SPOPL: variants seen among roughly 807,000 people sequenced by gnomAD.
SPOPL encodes the protein speckle type BTB/POZ protein like.
Under a neutral mutation model 53.8 loss-of-function variants are expected in SPOPL, and 23 were observed. The observed-to-expected ratio is 0.43, with a 90% CI of 0.31 to 0.61. The LOEUF is 0.61. SPOPL is among the 20% of genes least tolerant of loss of function. The probability of loss-of-function intolerance (pLI) is 0.12; values close to 1 mark genes in which losing one functional copy is unlikely to be tolerated. For synonymous variants in SPOPL, 164 were observed against 149.7 expected (o/e 1.10, Z -0.70); for missense variants, 442 against 466.9 (o/e 0.95, Z 0.49).
At chr2:138,529,537 T>TGCGCGCGC (rs1377479258) in intron 1 of SPOPL, among the ~76,000 whole-genome samples, 1 of 100,030 alleles carries the variant, frequency 1.0e-5, no homozygotes, top group Non-Finnish European at 2.3e-5. Context: ...TGTGTGTGTT[T>TGCGCGCGC]GCGTGCGCGC....
chr2:138,562,093 T>G (rs1224600587), intron 8 of SPOPL, among the ~76,000 whole-genome samples: 1 of 152,106 alleles, frequency 6.6e-6, no homozygotes, highest in East Asian at 1.9e-4. Flanking sequence ...CTCAATATTG[T>G]TAAAATGTCA....
At chr2:138,514,862 T>G (rs918674349) in intron 1 of SPOPL, among the ~76,000 whole-genome samples, 2 of 152,170 alleles carry the variant, frequency 1.3e-5, no homozygotes, top group African/African-American at 4.8e-5. Context: ...CTCTGGAACA[T>G]TGGCTTGATA....
intron 1 of SPOPL, among the ~76,000 whole-genome samples, chr2:138,506,659 T>G (rs1573863234): frequency 6.6e-6 from 1 of 152,124 alleles, no homozygotes; most frequent in Non-Finnish European, 1.5e-5. Flanking sequence ...ATTTTGTAGT[T>G]TCAGGGAAGG....
intron 1 of SPOPL, among the ~76,000 whole-genome samples, chr2:138,520,188 A>C (rs1684526695): frequency 1.3e-5 from 2 of 152,218 alleles, no homozygotes; most frequent in South Asian, 4.1e-4. Context: ...CTATTCCATA[A>C]TGTTTTATAA....
At chr2:138,524,320 C>A (rs564345378) in intron 1 of SPOPL, among the ~76,000 whole-genome samples, 1 of 152,148 alleles carries the variant, frequency 6.6e-6, no homozygotes, top group African/African-American at 2.4e-5. Flanking sequence ...TGGGCCCAGC[C>A]CATGAAACCA....
intron 10 of SPOPL, among the ~76,000 whole-genome samples, chr2:138,567,706 A>G (rs1313872064): frequency 6.6e-6 from 1 of 152,160 alleles, no homozygotes; most frequent in Non-Finnish European, 1.5e-5. Context: ...AAGTTACTAG[A>G]GTAGTTCAGG....
intron 1 of SPOPL, among the ~76,000 whole-genome samples, chr2:138,520,610 T>A (rs1485704084): frequency 1.3e-5 from 2 of 152,240 alleles, no homozygotes; most frequent in East Asian, 3.8e-4. Flanking sequence ...GTCTTTGTGT[T>A]GTTCTTCCTT....
At chr2:138,539,679 A>C (rs890022762) in intron 1 of SPOPL, among the ~76,000 whole-genome samples, 2 of 152,086 alleles carry the variant, frequency 1.3e-5, no homozygotes, top group East Asian at 1.9e-4. Flanking sequence ...GATTGCAAAC[A>C]TTTTCTCCCA....
Position 138,570,650 on chromosome 2 carries a change from T to A in SPOPL, c.*1570T>A, listed in dbSNP as rs1394464425. 6.6e-6 allele frequency: 1 copy of A among 152,202 alleles called. No homozygotes were observed. The highest frequency in any genetic ancestry group is 1.5e-5 in the Non-Finnish European group (1 of 68,038). The allele number at this position is 152,202 out of a possible 1,614,324, so 9.4% of individuals were successfully genotyped here. A position where few individuals can be genotyped will look rare whatever the true frequency, so the allele number is the denominator to read the frequency against. The stretch of plus-strand genomic sequence containing the variant: ...ATATACCTATGTTTGCAAACATAAC[T>A]ATTCTTCAGATTAAAATTTGTATAA... On this transcript the variant is annotated 3_prime_UTR_variant, in exon 11 of 11. Coordinates refer to ENST00000280098, the MANE Select transcript of SPOPL (RefSeq NM_001001664.3).
chr2:138,564,803 G>C lies in SPOPL; in HGVS notation c.933G>C (p.Leu311Phe). The change falls in exon 9 of 11, where the codon TTG becomes TTC. Residue 311 changes from leucine to phenylalanine, a missense_variant. Leu to Phe is a conservative substitution (Grantham distance 22). Coordinates refer to ENST00000280098, the MANE Select transcript of SPOPL (RefSeq NM_001001664.3). ...NVADTLVLAD[L>F]HSAEQLKAQA... is the part of the protein sequence containing the mutation. ...CAGATACCCTTGTCCTTGCAGATTTGCACAGTGCAGAACAGTTGAAAGCAC... is the reference window on the plus strand; with the variant it reads ...CAGATACCCTTGTCCTTGCAGATTTCCACAGTGCAGAACAGTTGAAAGCAC... 6.2e-7 allele frequency: 1 copy of C among 1,614,144 alleles called. No homozygotes were observed. Among genetic ancestry groups the C allele is most frequent in the East Asian group, 2.2e-5 (1 of 44,878 alleles).
intron 1 of SPOPL, among the ~76,000 whole-genome samples, chr2:138,547,781 C>A (rs974838745): frequency 2.0e-5 from 3 of 152,250 alleles, no homozygotes; most frequent in South Asian, 2.1e-4. Context: ...CTCAGTGCCT[C>A]CACCTGCCAG....
At position 138,570,900 on chromosome 2, in the gene SPOPL, ACTTT is replaced by A. The variant is rs941491745; in HGVS notation, c.*1823_*1826del. ...GATCGTATTTTCACCTGTCTTCATT[ACTTT>A]CTATGTAGTTTCATTCTTTGTCGTG... On this transcript the variant is annotated 3_prime_UTR_variant, in exon 11 of 11. Coordinates refer to ENST00000280098, the MANE Select transcript of SPOPL (RefSeq NM_001001664.3). 29 of 152,252 alleles carry A rather than the reference ACTTT, an allele frequency of 1.9e-4. No individual in the cohort carries two copies. The highest frequency in any genetic ancestry group is 1.3e-3 in the Admixed American group (20 of 15,278). The allele number at this position is 152,252 out of a possible 1,614,324, so 9.4% of individuals were successfully genotyped here. A position where few individuals can be genotyped will look rare whatever the true frequency, so the allele number is the denominator to read the frequency against.
chr2:138,530,195 T>G (rs1684776732), intron 1 of SPOPL, among the ~76,000 whole-genome samples: 1 of 152,174 alleles, frequency 6.6e-6, no homozygotes, highest in South Asian at 2.1e-4. Flanking sequence ...GTGTATGACA[T>G]TTTTTTAATC....
intron 10 of SPOPL, among the ~76,000 whole-genome samples, chr2:138,567,626 C>T (rs1028213589): frequency 2.0e-5 from 3 of 151,892 alleles, no homozygotes; most frequent in Admixed American, 1.3e-4. Context: ...GGGTGGAGAA[C>T]GAATTGTGGG....
chr2:138,523,604 A>G (rs1438532962), intron 1 of SPOPL, among the ~76,000 whole-genome samples: 5 of 152,176 alleles, frequency 3.3e-5, no homozygotes, highest in African/African-American at 4.8e-5. Context: ...GTTACCTCCT[A>G]GATACAGTGG....
chr2:138,522,663 C>A (rs761197092), intron 1 of SPOPL, among the ~76,000 whole-genome samples: 6 of 152,020 alleles, frequency 3.9e-5, no homozygotes, highest in Non-Finnish European at 8.8e-5. Flanking sequence ...CTTTAACCAC[C>A]CCCTCTTCTT....
chr2:138,523,888 C>A (rs534854088), intron 1 of SPOPL, among the ~76,000 whole-genome samples: 2 of 152,102 alleles, frequency 1.3e-5, no homozygotes, highest in African/African-American at 4.8e-5. Context: ...GTTTTCCAGG[C>A]GCACGGTACA....
intron 1 of SPOPL, among the ~76,000 whole-genome samples, chr2:138,504,730 A>T (rs1414451608): frequency 6.6e-5 from 10 of 152,168 alleles, no homozygotes; most frequent in Admixed American, 6.5e-4. Flanking sequence ...CTAGCTACGT[A>T]CCGTTCTTGA....
chr2:138,573,198 G>A lies in SPOPL; in HGVS notation c.*4118G>A, dbSNP rs1685823166. The A allele has an allele frequency of 6.6e-6, 1 of 151,952 alleles. No homozygotes were observed. The highest frequency in any genetic ancestry group is 2.1e-4 in the South Asian group (1 of 4,826). 9.4% of individuals were successfully genotyped at this position (151,952 alleles called of 1,614,324 possible). Reference sequence around the variant, plus strand: ...AATATTTTTTGCATTTCAACACATTGAGTTAAAATAAAGTTGTTACTACTT... The same window carrying A: ...AATATTTTTTGCATTTCAACACATTAAGTTAAAATAAAGTTGTTACTACTT... On this transcript the variant is annotated 3_prime_UTR_variant, in exon 11 of 11. Transcript: ENST00000280098.
Sources: gnomAD v4.1 joint callset for allele counts (sites outside exome capture counted in the v4.1 genomes callset) on GRCh38, gnomAD v4.1.1 for gene constraint, MANE v1.5 for transcripts, NCBI Gene and HGNC (gene_info 2026-07-23, HGNC 2026-07-21) for gene names.